Variants in EXOC4 observed in about 807,000 individuals in gnomAD.
The protein encoded by EXOC4 is exocyst complex component 4.
Under a neutral mutation model 107.2 loss-of-function variants are expected in EXOC4, and 71 were observed. The ratio of observed to expected loss-of-function variants is 0.66; its 90% CI spans 0.55 to 0.81. EXOC4 has a LOEUF of 0.81. Among genes scored for constraint, EXOC4 ranks in the 30% least tolerant of loss-of-function variants. The pLI is 0.00. For missense variants in EXOC4, 1,108 were observed against 1,189.6 expected, an observed-to-expected ratio of 0.93 and a Z score of 1.01; for synonymous variants, 456 against 441.2, an observed-to-expected ratio of 1.03 and a Z score of -0.42.
chr7:134,009,561 A>G (rs1016040784), intron 17 of EXOC4, among the ~76,000 whole-genome samples: 3 of 152,080 alleles, frequency 2.0e-5, no homozygotes, highest in Non-Finnish European at 2.9e-5. Context: ...GTTTTAGGCT[A>G]AATTTGATGG....
At chr7:133,557,002 T>C (rs951028017) in intron 9 of EXOC4, among the ~76,000 whole-genome samples, 4 of 152,140 alleles carry the variant, frequency 2.6e-5, no homozygotes, top group Non-Finnish European at 5.9e-5. Context: ...GAAGATGTTA[T>C]TAGGCAGATA....
At chr7:133,575,379 A>G (rs1217395337) in intron 9 of EXOC4, among the ~76,000 whole-genome samples, 1 of 152,222 alleles carries the variant, frequency 6.6e-6, no homozygotes, top group Non-Finnish European at 1.5e-5. Flanking sequence ...CAAGAGAGGT[A>G]TTGGTTTGTA....
intron 5 of EXOC4, among the ~76,000 whole-genome samples, chr7:133,338,266 A>C (rs1795566908): frequency 6.6e-6 from 1 of 152,022 alleles, no homozygotes; most frequent in South Asian, 2.1e-4. Flanking sequence ...ATATACACTA[A>C]TATGTAGTTT....
intron 10 of EXOC4, among the ~76,000 whole-genome samples, chr7:133,698,556 C>G (rs1039701383): frequency 1.5e-5 from 2 of 132,554 alleles, no homozygotes; most frequent in African/African-American, 5.8e-5. Flanking sequence ...CACTCCAGCA[C>G]AGACACCAGA....
chr7:134,070,765 T>C (rs964845839), downstream of EXOC4, among the ~76,000 whole-genome samples: 4 of 144,220 alleles, frequency 2.8e-5, no homozygotes, highest in African/African-American at 1.1e-4. Context: ...ACCACTTATG[T>C]GTGTACAAAT....
At chr7:133,651,796 C>T (rs942676246) in intron 10 of EXOC4, among the ~76,000 whole-genome samples, 10 of 152,104 alleles carry the variant, frequency 6.6e-5, no homozygotes, top group Non-Finnish European at 8.8e-5. Context: ...GGGATTCTCA[C>T]GCCTCAGCCT....
intron 17 of EXOC4, among the ~76,000 whole-genome samples, chr7:134,046,307 C>T (rs1795648736): frequency 6.6e-6 from 1 of 152,018 alleles, no homozygotes; most frequent in South Asian, 2.1e-4. Flanking sequence ...CATGGTGAAA[C>T]CCCGTCTCTA....
At chr7:133,618,856 C>T (rs996491754) in intron 9 of EXOC4, among the ~76,000 whole-genome samples, 18 of 151,860 alleles carry the variant, frequency 1.2e-4, no homozygotes, top group Non-Finnish European at 2.6e-4. Context: ...AGTAAATGTA[C>T]AACAAGTAAT....
rs527959228 is a variant in EXOC4, at chr7:133,374,982, A to C, written c.1162A>C (p.Lys388Gln). The C allele has an allele frequency of 3.1e-5, 50 of 1,613,670 alleles. No homozygotes were observed. In the East Asian group the frequency reaches 4.9e-4, roughly 16 times the overall value. The change falls in exon 7 of 18, where the codon AAG becomes CAG. Residue 388 changes from lysine (K) to glutamine (Q), a missense_variant. Physicochemically the swap from Lys to Gln is moderately conservative, Grantham distance 53. Coordinates refer to ENST00000253861, the MANE Select transcript of EXOC4 (RefSeq NM_021807.4). ...KLYDMADVWV[K>Q]IQDVLQMLLT... ...GTATGATATGGCAGATGTATGGGTG[A>C]AGATCCAAGATGTTCTACAGGTAAG...
intron 17 of EXOC4, among the ~76,000 whole-genome samples, chr7:134,054,309 G>A (rs559468705): frequency 1.2e-4 from 18 of 151,930 alleles, no homozygotes; most frequent in Non-Finnish European, 1.9e-4. Flanking sequence ...CCTCCTCCTC[G>A]CCACCCAGTG....
chr7:133,825,861 G>A (rs1563016089), intron 11 of EXOC4, among the ~76,000 whole-genome samples: 1 of 152,080 alleles, frequency 6.6e-6, no homozygotes, highest in African/African-American at 2.4e-5. Context: ...CCCCCTGTAA[G>A]CTCTGAGAGA....
chr7:133,807,624 T>G (rs1797110586), intron 10 of EXOC4, among the ~76,000 whole-genome samples: 2 of 152,308 alleles, frequency 1.3e-5, no homozygotes, highest in South Asian at 4.1e-4. Context: ...AAGAGGGTAT[T>G]TACCGTAAGA....
chr7:133,927,221 C>T (rs1447703167), intron 13 of EXOC4, among the ~76,000 whole-genome samples: 1 of 151,958 alleles, frequency 6.6e-6, no homozygotes, highest in Non-Finnish European at 1.5e-5. Flanking sequence ...TTTGGAAAGC[C>T]ACTGGCCTAC....
intron 14 of EXOC4, among the ~76,000 whole-genome samples, chr7:133,951,875 A>T (rs1402992512): frequency 2.0e-5 from 3 of 152,212 alleles, no homozygotes; most frequent in African/African-American, 7.2e-5. Context: ...GAAGCTGCTG[A>T]ATTGGCCAGG....
intron 7 of EXOC4, among the ~76,000 whole-genome samples, chr7:133,388,521 G>T (rs1796779816): frequency 6.6e-6 from 1 of 152,036 alleles, no homozygotes; most frequent in South Asian, 2.1e-4. Context: ...ATGGTGGCCT[G>T]TGTCTGTAGT....
At chr7:133,952,654 C>T (rs1336896230) in intron 14 of EXOC4, among the ~76,000 whole-genome samples, 1 of 152,148 alleles carries the variant, frequency 6.6e-6, no homozygotes, top group Non-Finnish European at 1.5e-5. Context: ...CTCATTTCTC[C>T]TTCCCTCCAG....
intron 5 of EXOC4, among the ~76,000 whole-genome samples, chr7:133,337,109 TA>T: frequency 6.6e-6 from 1 of 152,208 alleles, no homozygotes; most frequent in Non-Finnish European, 1.5e-5. Flanking sequence ...ACTCTTGAAA[TA>T]AATCTCTCTT....
At chr7:133,387,976 G>A (rs1043885252) in intron 7 of EXOC4, among the ~76,000 whole-genome samples, 6 of 150,054 alleles carry the variant, frequency 4.0e-5, no homozygotes, top group Non-Finnish European at 1.5e-5. Context: ...GCTTTGGGGG[G>A]TTTGTTTGTT....
chr7:133,549,313 C>T (rs978927745), intron 9 of EXOC4, among the ~76,000 whole-genome samples: 4 of 152,096 alleles, frequency 2.6e-5, no homozygotes, highest in African/African-American at 9.7e-5. Context: ...CAGTGAGAGA[C>T]GTGTGACTTT....
Sources: allele counts gnomAD v4.1 joint callset (sites outside exome capture counted in the v4.1 genomes callset), GRCh38; gene constraint gnomAD v4.1.1; transcripts MANE v1.5; gene names NCBI Gene and HGNC (gene_info 2026-07-23, HGNC 2026-07-21).